CA10: variants seen among roughly 807,000 people sequenced by gnomAD.
CA10 encodes the protein carbonic anhydrase-related protein 10.
CA10 carries 14 observed loss-of-function variants against 44.2 expected under a neutral mutation model. The ratio of observed to expected loss-of-function variants is 0.32; its 90% CI spans 0.21 to 0.50. The LOEUF (loss-of-function observed/expected upper bound fraction) is 0.50. Among genes scored for constraint, CA10 ranks in the 20% least tolerant of loss-of-function variants. The pLI, the probability that CA10 is intolerant of heterozygous loss-of-function variation, is 0.99. For missense variants in CA10, 350 were observed against 409.7 expected (o/e 0.85, Z 1.26); for synonymous variants, 159 against 141.6 (o/e 1.12, Z -0.87).
intron 4 of CA10, among the ~76,000 whole-genome samples, chr17:51,711,593 T>C (rs1386909670): frequency 6.6e-6 from 1 of 151,930 alleles, no homozygotes; most frequent in Non-Finnish European, 1.5e-5. Flanking sequence ...CGATGGAGAG[T>C]CTAGTTCAAG....
chr17:51,683,544 T>C (rs1914913331), intron 4 of CA10, among the ~76,000 whole-genome samples: 1 of 152,218 alleles, frequency 6.6e-6, no homozygotes, highest in South Asian at 2.1e-4. Flanking sequence ...CTGATGGAGT[T>C]GATACCCCAA....
chr17:51,793,936 T>A (rs1307573289), intron 3 of CA10, among the ~76,000 whole-genome samples: 1 of 152,224 alleles, frequency 6.6e-6, no homozygotes, highest in Non-Finnish European at 1.5e-5. Context: ...GAGGATTTGC[T>A]TTTCAGAGTC....
chr17:51,965,200 G>C (rs1351340155), intron 2 of CA10, among the ~76,000 whole-genome samples: 1 of 151,832 alleles, frequency 6.6e-6, no homozygotes, highest in Non-Finnish European at 1.5e-5. Flanking sequence ...GAATCAGGAA[G>C]AAATTGAAAC....
intron 1 of CA10, among the ~76,000 whole-genome samples, chr17:52,105,717 T>C (rs1448225244): frequency 6.6e-6 from 1 of 152,246 alleles, no homozygotes; most frequent in Non-Finnish European, 1.5e-5. Context: ...CACTAAGTGA[T>C]ACCTTATTAA....
chr17:51,742,217 A>G (rs1904493649), intron 4 of CA10, among the ~76,000 whole-genome samples: 1 of 152,188 alleles, frequency 6.6e-6, no homozygotes, highest in Admixed American at 6.5e-5. Context: ...GAGTAGAGGG[A>G]GCAGCTTCAC....
rs187810476 is a variant in CA10 at position 51,777,792 on chromosome 17, C to G, written c.280-29974G>C. ...CAAAAAGCAAAAATATTTAGCCAGG[C>G]GTGGTGGTATGTACCTGTGGTCCCT... On this transcript the variant is annotated intron_variant, in intron 3 of 8. Coordinates refer to ENST00000451037, the MANE Select transcript of CA10 (RefSeq NM_020178.5). 5.1e-3 allele frequency among the ~76,000 whole-genome samples: 777 copies of G among 152,166 alleles called. 25 individuals carry two copies. The highest frequency in any genetic ancestry group is 0.048 in the Admixed American group (737 of 15,278).
intron 3 of CA10, among the ~76,000 whole-genome samples, chr17:51,806,534 GA>G (rs1447754929): frequency 2.0e-5 from 3 of 152,142 alleles, no homozygotes; most frequent in Admixed American, 6.5e-5. Flanking sequence ...AAATGAGAAA[GA>G]AAAAAGAATT....
chr17:51,864,420 T>A (rs1217974334), intron 3 of CA10, among the ~76,000 whole-genome samples: 1 of 152,104 alleles, frequency 6.6e-6, no homozygotes, highest in Non-Finnish European at 1.5e-5. Context: ...AGTTGGCCAA[T>A]TATCTTTATT....
chr17:51,642,209 TGGTG>T (rs1316569910), intron 6 of CA10, among the ~76,000 whole-genome samples: 1 of 152,196 alleles, frequency 6.6e-6, no homozygotes. Context: ...ACATGGAAAG[TGGTG>T]TGCTGCGTTT....
chr17:52,154,309 T>C (rs1989760726), intron 1 of CA10, among the ~76,000 whole-genome samples: 1 of 152,190 alleles, frequency 6.6e-6, no homozygotes, highest in South Asian at 2.1e-4. Flanking sequence ...GCTATATCTA[T>C]AAGATTATCC....
chr17:52,120,651 C>G (rs749486962), intron 1 of CA10, among the ~76,000 whole-genome samples: 1 of 152,134 alleles, frequency 6.6e-6, no homozygotes, highest in African/African-American at 2.4e-5. Context: ...GGGGAACCTG[C>G]ACAGGGTCTT....
At chr17:52,141,088 G>C (rs1408669540) in intron 1 of CA10, among the ~76,000 whole-genome samples, 2 of 152,146 alleles carry the variant, frequency 1.3e-5, no homozygotes, top group African/African-American at 4.8e-5. Flanking sequence ...GCTGGCAGAA[G>C]AAGAGTACTC....
At chr17:52,017,208 A>G (rs1192853658) in intron 2 of CA10, among the ~76,000 whole-genome samples, 7 of 152,186 alleles carry the variant, frequency 4.6e-5, no homozygotes, top group African/African-American at 1.7e-4. Flanking sequence ...CTATAAAGAT[A>G]CCTGAAAATG....
At chr17:52,109,565 T>G (rs1053223383) in intron 1 of CA10, among the ~76,000 whole-genome samples, 1 of 152,240 alleles carries the variant, frequency 6.6e-6, no homozygotes, top group African/African-American at 2.4e-5. Context: ...TGCAGATTAA[T>G]GCAGATTACA....
intron 3 of CA10, among the ~76,000 whole-genome samples, chr17:51,889,282 G>C (rs1050471541): frequency 2.6e-5 from 4 of 152,166 alleles, no homozygotes; most frequent in African/African-American, 7.2e-5. Context: ...AACACTTTGG[G>C]AGGCTGGAGA....
At chr17:51,799,325 T>C (rs1422998934) in intron 3 of CA10, among the ~76,000 whole-genome samples, 2 of 152,212 alleles carry the variant, frequency 1.3e-5, no homozygotes, top group Non-Finnish European at 2.9e-5. Flanking sequence ...GTTCTGGTGA[T>C]TTTAGCTGGA....
chr17:51,752,646 G>A (rs1904928576), intron 3 of CA10, among the ~76,000 whole-genome samples: 1 of 152,040 alleles, frequency 6.6e-6, no homozygotes, highest in Non-Finnish European at 1.5e-5. Context: ...ATACTTTGGG[G>A]GGCCAGGTAC....
At chr17:51,917,972 T>C (rs1192282414) in intron 3 of CA10, among the ~76,000 whole-genome samples, 5 of 152,184 alleles carry the variant, frequency 3.3e-5, no homozygotes, top group African/African-American at 1.2e-4. Context: ...GAAAATTATT[T>C]GCATAAGAAT....
At chr17:51,814,132 C>T (rs1163145112) in intron 3 of CA10, among the ~76,000 whole-genome samples, 1 of 152,148 alleles carries the variant, frequency 6.6e-6, no homozygotes, top group Non-Finnish European at 1.5e-5. Flanking sequence ...CCTCTTGGGG[C>T]CTCAGTTACT....
Sources: allele counts gnomAD v4.1 joint callset (sites outside exome capture counted in the v4.1 genomes callset), GRCh38; gene constraint gnomAD v4.1.1; transcripts MANE v1.5; gene names NCBI Gene and HGNC (gene_info 2026-07-23, HGNC 2026-07-21).